TMPRSS11F: variants seen among roughly 807,000 people sequenced by gnomAD.
TMPRSS11F encodes transmembrane serine protease 11F, also known as transmembrane protease serine 11F.
Under a neutral mutation model 60.2 loss-of-function variants are expected in TMPRSS11F, and 47 were observed. That is an observed-to-expected ratio of 0.78 (90% CI 0.62 to 1.00). The LOEUF is 1.00. Ranked by LOEUF, TMPRSS11F falls within the 50% of genes least tolerant of loss-of-function variation. The pLI is 0.00. For synonymous variants in TMPRSS11F, 166 were observed against 167.3 expected, an observed-to-expected ratio of 0.99 and a Z score of 0.06; for missense variants, 519 against 522.9, an observed-to-expected ratio of 0.99 and a Z score of 0.07.
chr4:68,082,542 C>T (rs564225374), intron 3 of TMPRSS11F, among the ~76,000 whole-genome samples: 2 of 152,330 alleles, frequency 1.3e-5, no homozygotes, highest in African/African-American at 4.8e-5. Flanking sequence ...TGCTACCTGG[C>T]TGCTCCCACA....
chr4:68,059,044 C>T (rs548325963), intron 9 of TMPRSS11F, among the ~76,000 whole-genome samples: 3 of 151,668 alleles, frequency 2.0e-5, no homozygotes, highest in South Asian at 4.2e-4. Flanking sequence ...ATGTGAGGGG[C>T]GAAGGGAAAT....
intron 4 of TMPRSS11F, among the ~76,000 whole-genome samples, chr4:68,073,246 G>C (rs746700735): frequency 6.6e-6 from 1 of 152,108 alleles, no homozygotes; most frequent in Non-Finnish European, 1.5e-5. Flanking sequence ...TTGGGGTCTG[G>C]TGGTCTGTTA....
At chr4:68,085,765 C>T (rs7434388) in intron 3 of TMPRSS11F, among the ~76,000 whole-genome samples, 110,527 of 152,012 alleles carry the variant, frequency 0.73, 40,913 homozygotes, top group East Asian at 0.88. Flanking sequence ...GCAGCAAGAA[C>T]GGTAAAGAAG....
At chr4:68,057,673 C>T (rs1312749163) in intron 9 of TMPRSS11F, among the ~76,000 whole-genome samples, 1 of 151,864 alleles carries the variant, frequency 6.6e-6, no homozygotes, top group African/African-American at 2.4e-5. Flanking sequence ...ACAAAACAAA[C>T]AAAACCTGAT....
intron 2 of TMPRSS11F, among the ~76,000 whole-genome samples, chr4:68,095,168 T>G (rs1402504082): frequency 6.6e-6 from 1 of 151,174 alleles, no homozygotes; most frequent in Non-Finnish European, 1.5e-5. Context: ...CATAAAAATA[T>G]ATGTATATTA....
At chr4:68,060,234 G>T (rs6842920) in intron 8 of TMPRSS11F, among the ~76,000 whole-genome samples, 102,209 of 151,026 alleles carry the variant, frequency 0.68, 36,452 homozygotes, top group East Asian at 0.88. Context: ...TTGGCCAGGC[G>T]TGGTGGCTCA....
chr4:68,059,005 C>T lies in TMPRSS11F; in HGVS notation c.1158+321G>A, dbSNP rs552895117. Among the ~76,000 whole-genome samples, 255 of 152,128 alleles carry T rather than the reference C, an allele frequency of 1.7e-3. 2 individuals are homozygous for T. The highest frequency in any genetic ancestry group is 6.0e-3 in the African/African-American group (249 of 41,498). The stretch of plus-strand genomic sequence containing the variant: ...TGCAGGGCTTGGAATGGAAAGAAAA[C>T]TTGTTTCAGCTGTCGCTGTCATTAA... On this transcript the variant is annotated intron_variant, in intron 9 of 9. Coordinates refer to ENST00000356291, the MANE Select transcript of TMPRSS11F (RefSeq NM_207407.2).
At chr4:68,075,944 G>C (rs2109850031) in intron 3 of TMPRSS11F, among the ~76,000 whole-genome samples, 1 of 151,286 alleles carries the variant, frequency 6.6e-6, no homozygotes, top group South Asian at 2.1e-4. Flanking sequence ...AGTGAGCCAA[G>C]ATTAGGCCAC....
At chr4:68,077,893 C>T (rs559234516) in intron 3 of TMPRSS11F, among the ~76,000 whole-genome samples, 9 of 152,192 alleles carry the variant, frequency 5.9e-5, no homozygotes, top group East Asian at 1.9e-4. Context: ...GGCGGTGTGC[C>T]GGCAGACTCC....
At chr4:68,115,466 C>T (rs1724500774) in intron 1 of TMPRSS11F, among the ~76,000 whole-genome samples, 1 of 151,252 alleles carries the variant, frequency 6.6e-6, no homozygotes, top group Admixed American at 6.6e-5. Context: ...AGACTGAATG[C>T]TTTCTTTTGA....
intron 1 of TMPRSS11F, among the ~76,000 whole-genome samples, chr4:68,120,731 T>C (rs1022218431): frequency 4.6e-5 from 7 of 151,480 alleles, no homozygotes; most frequent in Admixed American, 2.0e-4. Context: ...ACAAGCTTCA[T>C]TGTCTTATTT....
chr4:68,108,784 A>C (rs546996525), intron 1 of TMPRSS11F, among the ~76,000 whole-genome samples: 107 of 152,298 alleles, frequency 7.0e-4, no homozygotes, highest in Non-Finnish European at 1.2e-3. Context: ...TGATGTAGAG[A>C]AGTTAGTCTT....
chr4:68,062,953 T>C (rs375650941), intron 8 of TMPRSS11F: 2 of 755,772 alleles, frequency 2.6e-6, no homozygotes, highest in African/African-American at 3.4e-5. Flanking sequence ...TAATGAGAAT[T>C]TCTGGAACTG....
At chr4:68,106,356 C>A (rs1412243182) in intron 1 of TMPRSS11F, among the ~76,000 whole-genome samples, 7 of 152,088 alleles carry the variant, frequency 4.6e-5, no homozygotes, top group Non-Finnish European at 1.0e-4. Flanking sequence ...GCAGGGGCTA[C>A]TTGTGTTGTT....
chr4:68,115,995 T>G (rs10017410), intron 1 of TMPRSS11F, among the ~76,000 whole-genome samples: 47,017 of 151,732 alleles, frequency 0.31, 7,376 homozygotes, highest in East Asian at 0.48. Flanking sequence ...ATGTGAGTCC[T>G]TCAGCTTTTT....
intron 1 of TMPRSS11F, among the ~76,000 whole-genome samples, chr4:68,121,663 G>A (rs942430130): frequency 3.3e-5 from 5 of 152,104 alleles, no homozygotes; most frequent in Non-Finnish European, 7.4e-5. Context: ...TCTTCACTTA[G>A]CTTCCTGTAT....
At chr4:68,054,126 G>T in intron 9 of TMPRSS11F, 59 bp from the exon 10 acceptor site, 1 of 1,492,582 alleles carries the variant, frequency 6.7e-7, no homozygotes, top group South Asian at 1.2e-5. Context: ...GGAAGGTATT[G>T]TAATCTGACG....
At chr4:68,107,881 G>A (rs1724334460) in intron 1 of TMPRSS11F, among the ~76,000 whole-genome samples, 1 of 152,170 alleles carries the variant, frequency 6.6e-6, no homozygotes, top group South Asian at 2.1e-4. Context: ...AGGCTGCAGT[G>A]AGCTGAGATT....
chr4:68,123,383 G>C (rs1208772275), intron 1 of TMPRSS11F, among the ~76,000 whole-genome samples: 1 of 152,114 alleles, frequency 6.6e-6, no homozygotes, highest in East Asian at 1.9e-4. Context: ...CACATTCCTT[G>C]AGTTAACTTT....
Sources: gnomAD v4.1 joint callset for allele counts (sites outside exome capture counted in the v4.1 genomes callset) on GRCh38, gnomAD v4.1.1 for gene constraint, MANE v1.5 for transcripts, NCBI Gene and HGNC (gene_info 2026-07-23, HGNC 2026-07-21) for gene names.